The following FAM217A variants were observed in gnomAD, a reference collection of about 807,000 sequenced individuals.
FAM217A encodes the protein protein FAM217A.
FAM217A carries 13 observed loss-of-function variants against 18.5 expected under a neutral mutation model. The ratio of observed to expected loss-of-function variants is 0.70; its 90% confidence interval spans 0.46 to 1.12. The LOEUF is 1.12. Ranked by LOEUF, FAM217A falls within the 50% of genes most tolerant of loss-of-function variation. The pLI, the probability that FAM217A is intolerant of heterozygous loss-of-function variation, is 0.00. For synonymous variants in FAM217A, 161 were observed against 202.8 expected (o/e 0.79, Z 1.75); for missense variants, 560 against 575.4 (o/e 0.97, Z 0.27).
At chr6:4,085,892 T>C (rs570814642) in intron 1 of FAM217A, among the ~76,000 whole-genome samples, 3 of 151,566 alleles carry the variant, frequency 2.0e-5, no homozygotes, top group Admixed American at 2.0e-4. Flanking sequence ...AGAGGATTGC[T>C]TGAGGTCAGG....
At chr6:4,083,829 C>T (rs1770468880), upstream of FAM217A, among the ~76,000 whole-genome samples, 2 of 152,160 alleles carry the variant, frequency 1.3e-5, no homozygotes, top group South Asian at 4.1e-4. Context: ...GCTAGGATTA[C>T]AGCTGTGAGC....
At chr6:4,083,490 G>A (rs1330320147), upstream of FAM217A, among the ~76,000 whole-genome samples, 1 of 151,696 alleles carries the variant, frequency 6.6e-6, no homozygotes, top group Non-Finnish European at 1.5e-5. Flanking sequence ...TTTCCCTTTA[G>A]AATTGCCAAG....
chr6:4,080,674 C>T (rs557618175), upstream of FAM217A, among the ~76,000 whole-genome samples: 1 of 152,220 alleles, frequency 6.6e-6, no homozygotes, highest in Non-Finnish European at 1.5e-5. Context: ...CTGCAGCCAT[C>T]CCTTAGGTAT....
At chr6:4,079,791 C>A, upstream of FAM217A, 3 of 517,080 alleles carry the variant, frequency 5.8e-6, no homozygotes, top group South Asian at 2.7e-5. Context: ...TTGTTGACAC[C>A]AAGCTCATCC....
upstream of FAM217A, chr6:4,087,308 A>T (rs1435699626): frequency 8.1e-7 from 1 of 1,234,268 alleles, no homozygotes. Context: ...ACTTGGCAGG[A>T]TATTTTCAAT....
In FAM217A at chr6:4,085,311, A is replaced by AAAATATATATAT. The variant is rs377046907; in HGVS notation, c.19-502_19-501insATATATATATTT. Among the ~76,000 whole-genome samples, 1,373 of 146,364 alleles carry AAAATATATATAT rather than the reference A, an allele frequency of 9.4e-3. 71 individuals carry two copies. Among genetic ancestry groups the AAAATATATATAT allele is most frequent in the Admixed American group, 0.08 (1,162 of 14,480 alleles). Reference sequence around the variant, plus strand: ...AGAAGTGTTATTCATTGTAAAAAAAAATATATATATATATATAAAATATGT... The same window carrying AAAATATATATAT: ...AGAAGTGTTATTCATTGTAAAAAAAAAAATATATATATATATATATATATATATAAAATATGT... On this transcript the variant is annotated intron_variant, in intron 1 of 8. Coordinates refer to the FAM217A transcript ENST00000639338.
intron 2 of FAM217A, among the ~76,000 whole-genome samples, chr6:4,075,267 G>A (rs146877378): frequency 6.6e-6 from 1 of 152,270 alleles, no homozygotes; most frequent in East Asian, 1.9e-4. Context: ...CCAGGAGGTG[G>A]AGGTTGCAGT....
chr6:4,069,092 A>G lies in FAM217A; in HGVS notation c.1131T>C (p.Tyr377=), dbSNP rs1427965610. The change falls in exon 7 of 7, where the codon TAT becomes TAC. Residue 377 remains tyrosine, a synonymous_variant. Coordinates refer to ENST00000274673, the MANE Select transcript of FAM217A (RefSeq NM_173563.3). ...GAGACAGTGGTCTAGAATTCCATCT[A>G]TATTTGCCAGCATTGCTCCAATTCC... ...LKRNWSNAGK[Y]RWNSRPLSLK... is the part of the protein sequence containing the mutation. 7 of 1,614,054 alleles carry G rather than the reference A, an allele frequency of 4.3e-6. No homozygotes were observed. Among genetic ancestry groups the G allele is most frequent in the African/African-American group, 2.7e-5 (2 of 74,924 alleles).
upstream of FAM217A, among the ~76,000 whole-genome samples, chr6:4,083,205 A>G (rs922198916): frequency 2.0e-5 from 3 of 152,230 alleles, no homozygotes; most frequent in African/African-American, 7.2e-5. Context: ...GCCTTGGGCC[A>G]GTCACTTAGT....
rs200275539 is a variant in FAM217A, at chr6:4,069,410, A to G, written c.813T>C (p.Asn271=). The change falls in exon 7 of 7, where the codon AAT becomes AAC. Residue 271 remains asparagine, a synonymous_variant. Transcript: ENST00000274673. ...CTGCAGGGTCCACTGTCACTTTCCA[A>G]TTGTCAGATTTGGAGAGGGCTAAAT... ...LHNLALSKSD[N]WKVTVDPAET... The G allele has an allele frequency of 5.9e-4, 959 of 1,614,024 alleles. No homozygotes were observed. Among genetic ancestry groups the G allele is most frequent in the Non-Finnish European group, 7.8e-4 (925 of 1,180,022 alleles).
chr6:4,068,823 C>T lies in FAM217A; in HGVS notation c.1400G>A (p.Gly467Glu). 1 of 1,614,058 alleles carries T rather than the reference C, an allele frequency of 6.2e-7. No individual in the cohort carries two copies. Among genetic ancestry groups the T allele is most frequent in the African/African-American group, 1.3e-5 (1 of 75,002 alleles). ...TTGTCGGTAAAGTTTCTTTTTGGTC[C>T]CAAAGTTTCTCTTCGGTGCCTTAAT... ...EEIKAPKRNF[G>E]TKKKLYRQNI... Residue 467 changes from glycine to glutamate, a missense_variant, in exon 7 of 7, where the codon GGG becomes GAG. Gly to Glu is a moderately conservative substitution (Grantham distance 98). Coordinates refer to ENST00000274673, the MANE Select transcript of FAM217A (RefSeq NM_173563.3).
At chr6:4,084,905 G>T (rs755542095) in intron 1 of FAM217A, 33 of 643,642 alleles carry the variant, frequency 5.1e-5, no homozygotes, top group Non-Finnish European at 8.6e-5. Context: ...CAGCTGCTGC[G>T]CTGCGGGATC....
Position 4,074,588 on chromosome 6 carries a change from C to A in FAM217A, c.134G>T (p.Gly45Val), listed in dbSNP as rs77132955. 9,076 of 1,612,940 alleles carry A rather than the reference C, an allele frequency of 5.6e-3. 300 individuals carry two copies. The African/African-American group carries it at 0.086, about 15-fold the overall frequency. Reference sequence around the variant, plus strand: ...CTAGGATTTCTTACCACCTGCTGCTCCATCCCTTCCAGCTGGGAGGTTTTT... The same window carrying A: ...CTAGGATTTCTTACCACCTGCTGCTACATCCCTTCCAGCTGGGAGGTTTTT... ...ENKNLPAGRD[G>V]AAGGKINKNY... Residue 45 changes from glycine (G) to valine (V), a missense_variant, in exon 3 of 7, where the codon GGA (glycine) becomes GTA (valine). Transcript: ENST00000274673.
rs1770072240 is a variant in FAM217A at position 4,079,023 on chromosome 6, C to T, written c.-206G>A. The T allele has an allele frequency of 1.1e-5, 5 of 447,314 alleles. No homozygotes were observed. The highest frequency in any genetic ancestry group is 1.6e-5 in the Non-Finnish European group (4 of 252,510). 27.7% of individuals were successfully genotyped at this position (447,314 alleles called of 1,614,324 possible). A position where few individuals can be genotyped will look rare whatever the true frequency, so the allele number is the denominator to read the frequency against. On this transcript the variant is annotated 5_prime_UTR_variant, in exon 1 of 7. Transcript: ENST00000274673. ...GCGGCTGGCGGCCTTGAGCGCAGCCCGGTCGGCAGTGCAGGGCCTGCGAAG... is the reference window on the plus strand; with the variant it reads ...GCGGCTGGCGGCCTTGAGCGCAGCCTGGTCGGCAGTGCAGGGCCTGCGAAG...
At chr6:4,077,805 C>A (rs1769937123) in intron 1 of FAM217A, among the ~76,000 whole-genome samples, 2 of 152,178 alleles carry the variant, frequency 1.3e-5, no homozygotes, top group East Asian at 3.8e-4. Context: ...TCCTTTTATT[C>A]ATTCAAAACA....
rs1461699679 is a variant in FAM217A, at chr6:4,068,476, A to T, written c.*220T>A. 4 of 442,200 alleles carry T rather than the reference A, an allele frequency of 9.0e-6. No homozygotes were observed. Among genetic ancestry groups the T allele is most frequent in the Non-Finnish European group, 1.6e-5 (4 of 254,170 alleles). The allele number at this position is 442,200 out of a possible 1,614,324, so 27.4% of individuals were successfully genotyped here. A position where few individuals can be genotyped will look rare whatever the true frequency, so the allele number is the denominator to read the frequency against. On this transcript the variant is annotated 3_prime_UTR_variant, in exon 7 of 7. Transcript: ENST00000274673. The stretch of plus-strand genomic sequence containing the variant: ...GTGAACCATTTACTTGAAACACAAC[A>T]TGCAAAAGATTGTGAAATATGTCAG...
At chr6:4,077,985 G>A (rs1769952312) in intron 1 of FAM217A, among the ~76,000 whole-genome samples, 1 of 151,060 alleles carries the variant, frequency 6.6e-6, no homozygotes. Context: ...AAAAGAATTA[G>A]AGAACTCTAA....
At chr6:4,075,196 T>G (rs1769697985) in intron 2 of FAM217A, among the ~76,000 whole-genome samples, 1 of 152,076 alleles carries the variant, frequency 6.6e-6, no homozygotes, top group Admixed American at 6.5e-5. Flanking sequence ...CAGCCAGGTG[T>G]GGCGGCACGC....
rs775475782 is a variant in FAM217A at position 4,069,746 on chromosome 6, A to T, written c.477T>A (p.Phe159Leu). 6.2e-7 allele frequency: 1 copy of T among 1,614,126 alleles called. No individual in the cohort carries two copies. Among genetic ancestry groups the T allele is most frequent in the Non-Finnish European group, 8.5e-7 (1 of 1,179,982 alleles). Reference sequence around the variant, plus strand: ...TAACATGAATCTCATTTCTGTTCTTAAAAAAGTCTCCATCAGCATAGGGCC... The same window carrying T: ...TAACATGAATCTCATTTCTGTTCTTTAAAAAGTCTCCATCAGCATAGGGCC... ...LCWPYADGDF[F>L]KNRNEIHVSS... Residue 159 changes from phenylalanine (F) to leucine (L), a missense_variant, in exon 7 of 7, where the codon TTT (phenylalanine) becomes TTA (leucine). By Grantham distance (22) the Phe-to-Leu change is conservative (BLOSUM62 0). Transcript: ENST00000274673.
Sources: gnomAD v4.1 joint callset for allele counts (sites outside exome capture counted in the v4.1 genomes callset) on GRCh38, gnomAD v4.1.1 for gene constraint, MANE v1.5 for transcripts, NCBI Gene and HGNC (gene_info 2026-07-23, HGNC 2026-07-21) for gene names.